The following SUN1 variants were observed in gnomAD, a reference collection of about 807,000 sequenced individuals.
SUN1 encodes Sad1 and UNC84 domain containing 1, also known as SUN domain-containing protein 1.
SUN1 carries 61 observed loss-of-function variants against 103.2 expected under a neutral mutation model. The ratio of observed to expected loss-of-function variants is 0.59; its 90% CI spans 0.48 to 0.73. SUN1 has a LOEUF of 0.73. SUN1 is among the 30% of genes least tolerant of loss of function. SUN1 has a pLI of 0.00. For synonymous variants in SUN1, 490 were observed against 425.7 expected (o/e 1.15, Z -1.86); for missense variants, 1,052 against 1,034.6 (o/e 1.02, Z -0.23).
At position 843,462 on chromosome 7, in the gene SUN1, G is replaced by T; in HGVS notation, c.600G>T (p.Ala200=). The change falls in exon 5 of 19, where the codon GCG becomes GCT. Residue 200 remains alanine, a synonymous_variant. Coordinates refer to ENST00000401592, the MANE Select transcript of SUN1 (RefSeq NM_001130965.3). ...MLSERKDVLT[A]HPAAPGPVSR... is the part of the protein sequence containing the mutation. ...CCGAGCGCAAGGACGTGCTCACGGC[G>T]CACCCCGCGGCCCCCGGGCCCGTGT... is the stretch of plus-strand genomic sequence containing the variant. 1.2e-6 allele frequency: 2 copies of T among 1,614,088 alleles called. No individual in the cohort carries two copies. The highest frequency in any genetic ancestry group is 1.1e-5 in the South Asian group (1 of 91,084).
rs150891563 is a variant in SUN1 at position 822,495 on chromosome 7, A to T, written c.-74+5822A>T. Among the ~76,000 whole-genome samples the T allele has an allele frequency of 1.5e-3, 233 of 152,308 alleles. 1 individual carries two copies. Among genetic ancestry groups the T allele is most frequent in the African/African-American group, 5.1e-3 (212 of 41,566 alleles). ...TACGGTGGGGAGACACCCCTCGGGC[A>T]TGTGTAGTTTGAACACAGAGCAGCC... is the stretch of plus-strand genomic sequence containing the variant. On this transcript the variant is annotated intron_variant, in intron 1 of 17. Coordinates refer to the SUN1 transcript ENST00000389574.
intron 5 of SUN1, among the ~76,000 whole-genome samples, chr7:845,406 TCAGA>T (rs993274338): frequency 2.0e-4 from 31 of 152,294 alleles, no homozygotes; most frequent in African/African-American, 7.2e-4. Context: ...CCTTGCCCTC[TCAGA>T]CAAAGGCCAG....
chr7:846,299 G>A (rs948084806), intron 5 of SUN1, among the ~76,000 whole-genome samples: 2 of 152,052 alleles, frequency 1.3e-5, no homozygotes, highest in African/African-American at 4.8e-5. Context: ...CGTAGAGACG[G>A]GGTTCCACCA....
chr7:843,078 T>C, intron 3 of SUN1, 128 bp from the exon 4 acceptor site: 1 of 1,344,878 alleles, frequency 7.4e-7, no homozygotes, highest in Non-Finnish European at 1.0e-6. Context: ...GGAAATAAAC[T>C]GTGACCAGTG....
chr7:860,490 G>C (rs1831329598), intron 14 of SUN1, 108 bp downstream of exon 14: 21 of 1,529,164 alleles, frequency 1.4e-5, no homozygotes, highest in Non-Finnish European at 1.8e-5. Flanking sequence ...AGAGTGGTCT[G>C]GCTGGGGTGT....
chr7:874,337 C>G lies in SUN1; in HGVS notation c.*1006C>G, dbSNP rs1390909016. The G allele has an allele frequency of 6.6e-6, 1 of 152,596 alleles. No homozygotes were observed. Among genetic ancestry groups the G allele is most frequent in the Non-Finnish European group, 1.5e-5 (1 of 68,036 alleles). 9.5% of individuals were successfully genotyped at this position (152,596 alleles called of 1,614,324 possible). A position where few individuals can be genotyped will look rare whatever the true frequency, so the allele number is the denominator to read the frequency against. On this transcript the variant is annotated 3_prime_UTR_variant, in exon 19 of 19. Coordinates refer to ENST00000401592, the MANE Select transcript of SUN1 (RefSeq NM_001130965.3). ...ATTCTCACGTGATTCTTGTGAGACT[C>G]TTTTTGGTTATAATTACTATTTAAT...
intron 1 of SUN1, among the ~76,000 whole-genome samples, chr7:826,107 G>A (rs762918532): frequency 4.3e-4 from 66 of 152,034 alleles, no homozygotes; most frequent in Admixed American, 1.6e-3. Flanking sequence ...GTGCCGTGAC[G>A]CGCCCCTGTG....
chr7:856,149 A>T (rs1198853775), intron 11 of SUN1, among the ~76,000 whole-genome samples: 1 of 152,190 alleles, frequency 6.6e-6, no homozygotes. Flanking sequence ...GGCCGTTCTC[A>T]TGTGATTTGT....
intron 5 of SUN1, 24 bp from the exon 6 acceptor site, chr7:851,360 G>T: frequency 6.4e-7 from 1 of 1,561,248 alleles, no homozygotes. Flanking sequence ...TCTGTCTGAG[G>T]CCACACACGT....
chr7:841,164 C>T (rs1392917739), intron 2 of SUN1, among the ~76,000 whole-genome samples: 1 of 151,440 alleles, frequency 6.6e-6, no homozygotes, highest in Non-Finnish European at 1.5e-5. Context: ...AACTCCCGAC[C>T]TCAGGTGATC....
rs528761928 is a variant in SUN1 at position 855,991 on chromosome 7, G to A, written c.1351-367G>A. Among the ~76,000 whole-genome samples the A allele has an allele frequency of 3.1e-3, 479 of 152,304 alleles. 2 individuals are homozygous for A. Among genetic ancestry groups the A allele is most frequent in the Non-Finnish European group, 3.5e-3 (239 of 68,020 alleles). Reference sequence around the variant, plus strand: ...CTGGTGCTCAGCGTGGTGCTGCTGCGGATGGCACAGGCCAGCACGGCTCAG... The same window carrying A: ...CTGGTGCTCAGCGTGGTGCTGCTGCAGATGGCACAGGCCAGCACGGCTCAG... On this transcript the variant is annotated intron_variant, in intron 11 of 18. Coordinates refer to ENST00000401592, the MANE Select transcript of SUN1 (RefSeq NM_001130965.3).
At chr7:833,826 C>A (rs1254390032) in intron 1 of SUN1, among the ~76,000 whole-genome samples, 1 of 151,410 alleles carries the variant, frequency 6.6e-6, no homozygotes, top group East Asian at 1.9e-4. Context: ...CAGGCCAGCT[C>A]AGGGGAGACT....
At chr7:821,643 T>G (rs931326969) in intron 1 of SUN1, among the ~76,000 whole-genome samples, 1 of 152,194 alleles carries the variant, frequency 6.6e-6, no homozygotes, top group African/African-American at 2.4e-5. Context: ...AGTGTTTTTT[T>G]GTGGGAGAAG....
At chr7:848,713 C>T (rs1235323945) in intron 5 of SUN1, 2 of 790,634 alleles carry the variant, frequency 2.5e-6, no homozygotes, top group Non-Finnish European at 1.8e-6. Context: ...CTCGCTGCCT[C>T]CTCCTGTGGT....
At chr7:860,544 G>A (rs936581361) in intron 14 of SUN1, among the ~76,000 whole-genome samples, 162 bp downstream of exon 14, 5 of 152,228 alleles carry the variant, frequency 3.3e-5, no homozygotes, top group Non-Finnish European at 4.4e-5. Flanking sequence ...GGGCAGTGCC[G>A]TGTGTGGAGG....
chr7:846,900 G>C (rs987919650), intron 5 of SUN1, among the ~76,000 whole-genome samples: 7 of 152,124 alleles, frequency 4.6e-5, no homozygotes, highest in Non-Finnish European at 1.0e-4. Context: ...TGTAATCCCA[G>C]CTACTTGGGC....
chr7:836,387 A>G (rs978291061), intron 1 of SUN1, among the ~76,000 whole-genome samples: 5 of 152,176 alleles, frequency 3.3e-5, no homozygotes, highest in African/African-American at 9.7e-5. Context: ...ATTATGCGGA[A>G]TTGGCTCATG....
Position 841,953 on chromosome 7 carries a change from A to C in SUN1, c.274A>C (p.Lys92Gln). 6.2e-7 allele frequency: 1 copy of C among 1,614,176 alleles called. No homozygotes were observed. Among genetic ancestry groups the C allele is most frequent in the Non-Finnish European group, 8.5e-7 (1 of 1,180,044 alleles). The change falls in exon 3 of 19, where the codon AAA becomes CAA. Residue 92 changes from lysine (K) to glutamine (Q), a missense_variant. This residue lies in a region of SUN1 where 846 missense variants were observed against 774.5 expected (regional missense o/e 1.09). Coordinates refer to ENST00000401592, the MANE Select transcript of SUN1 (RefSeq NM_001130965.3). ...GTTTTTTTTTCTTCTTAGAACAACAAAACAGCGCAGAAGCACAAACAAATC... is the reference window on the plus strand; with the variant it reads ...GTTTTTTTTTCTTCTTAGAACAACACAACAGCGCAGAAGCACAAACAAATC... ...SLKNRAARTTKQRRSTNKSAF... is the reference protein window; with the variant it reads ...SLKNRAARTTQQRRSTNKSAF...
chr7:855,481 A>C (rs1399202057), intron 11 of SUN1, among the ~76,000 whole-genome samples: 1 of 152,162 alleles, frequency 6.6e-6, no homozygotes, highest in African/African-American at 2.4e-5. Context: ...AGCCATGGGG[A>C]GTCGGGTCGG....
Sources: allele counts gnomAD v4.1 joint callset (sites outside exome capture counted in the v4.1 genomes callset), GRCh38; gene constraint gnomAD v4.1.1; regional missense constraint gnomAD v4.1.1; transcripts MANE v1.5; gene names NCBI Gene and HGNC (gene_info 2026-07-23, HGNC 2026-07-21).